The following RELN variants were observed in gnomAD, a reference collection of about 807,000 sequenced individuals.
RELN encodes reelin.
A neutral mutation model predicts 427.6 loss-of-function variants in RELN; 108 were observed. That is an observed-to-expected ratio of 0.25 (90% CI 0.22 to 0.30). The LOEUF (loss-of-function observed/expected upper bound fraction) is 0.30, where lower values mean the gene tolerates loss of function less well. Ranked by LOEUF, RELN falls within the 10% of genes least tolerant of loss-of-function variation. The pLI is 1.00. For synonymous variants in RELN, 1,524 were observed against 1,513.4 expected, an observed-to-expected ratio of 1.01 and a Z score of -0.16; for missense variants, 3,715 against 4,302.8, an observed-to-expected ratio of 0.86 and a Z score of 3.82.
intron 51 of RELN, among the ~76,000 whole-genome samples, chr7:103,503,461 A>C (rs967328295): frequency 1.3e-5 from 2 of 152,308 alleles, no homozygotes; most frequent in South Asian, 4.1e-4. Flanking sequence ...TTTGGAGAGA[A>C]ACTCAGACCC....
chr7:103,588,387 T>C (rs1831328164), intron 28 of RELN, among the ~76,000 whole-genome samples: 1 of 152,008 alleles, frequency 6.6e-6, no homozygotes, highest in South Asian at 2.1e-4. Context: ...CTAGGAAGGC[T>C]ACCAAGGGAG....
chr7:103,490,018 C>T, intron 59 of RELN, 119 bp from the exon 60 acceptor site: 1 of 1,109,642 alleles, frequency 9.0e-7, no homozygotes, highest in South Asian at 1.3e-5. Context: ...CAAATGTCTT[C>T]CTGAAGCACC....
rs1830930882 is a variant in RELN at position 103,573,548 on chromosome 7, C to T, written c.4511+544G>A. On this transcript the variant is annotated intron_variant, in intron 30 of 64. Coordinates refer to ENST00000428762, the MANE Select transcript of RELN (RefSeq NM_005045.4). This position sits in a 1 kb window ranked among gnomAD's most constrained non-coding sequence, Gnocchi z 4.4. The stretch of plus-strand genomic sequence containing the variant: ...AACATTTTCTCTATTTCCTTTCTTC[C>T]ACTTCTCAAATAATTTAATTGCTCT... 6.6e-6 allele frequency among the ~76,000 whole-genome samples: 1 copy of T among 152,166 alleles called. No individual in the cohort carries two copies. Among genetic ancestry groups the T allele is most frequent in the African/African-American group, 2.4e-5 (1 of 41,446 alleles).
At position 103,522,074 on chromosome 7, in the gene RELN, A is replaced by G. The variant is rs774928441; in HGVS notation, c.7616T>C (p.Leu2539Ser). 6.2e-7 allele frequency: 1 copy of G among 1,614,034 alleles called. No individual in the cohort carries two copies. Among genetic ancestry groups the G allele is most frequent in the South Asian group, 1.1e-5 (1 of 91,070 alleles). Residue 2539 changes from leucine (L) to serine (S), a missense_variant, in exon 48 of 65, where the codon TTG becomes TCG. Physicochemically the swap from Leu to Ser is moderately radical, Grantham distance 145. Around this residue, in one of 4 missense-constraint regions of RELN, gnomAD observed 1,310 missense variants for 1,643.0 expected, o/e 0.80. Transcript: ENST00000428762. ...QNWLTVNGGK[L>S]STVCGAVASG... ...CGCCACGGCTCCACACACTGTACTC[A>G]ATTTCCCTCCGTTCACAGTCAGCCA...
chr7:103,537,691 G>A (rs1288070358), intron 45 of RELN, among the ~76,000 whole-genome samples: 11 of 152,160 alleles, frequency 7.2e-5, no homozygotes, highest in African/African-American at 2.7e-4. Context: ...AGTCTAGACT[G>A]TTTTCAAAAT....
chr7:103,926,255 C>G (rs556411792), intron 1 of RELN, among the ~76,000 whole-genome samples: 3 of 151,998 alleles, frequency 2.0e-5, no homozygotes, highest in African/African-American at 7.2e-5. Context: ...TACGTGCCAT[C>G]AGGCCAATTT....
chr7:103,925,495 C>T lies in RELN; in HGVS notation c.227-8310G>A, dbSNP rs142934406. On this transcript the variant is annotated intron_variant, in intron 1 of 64. Transcript: ENST00000428762. ...GTGATTTATCTCTGACCTTATTTTT[C>T]ACGTTACTTTTATATGAGGCTGGAT... Among the ~76,000 whole-genome samples, 59 of 152,184 alleles carry T rather than the reference C, an allele frequency of 3.9e-4. 2 individuals carry two copies. The East Asian group carries it at 0.011, about 28-fold the overall frequency.
chr7:103,793,046 A>T (rs1187760609), intron 3 of RELN, among the ~76,000 whole-genome samples: 2 of 152,158 alleles, frequency 1.3e-5, no homozygotes, highest in Non-Finnish European at 2.9e-5. Flanking sequence ...GCAATAGGTG[A>T]CCCAAGGAAA....
chr7:103,715,398 A>G (rs780047586), intron 8 of RELN, among the ~76,000 whole-genome samples: 5 of 152,184 alleles, frequency 3.3e-5, no homozygotes, highest in Admixed American at 6.5e-5. Context: ...TTTCTGTTTT[A>G]TATTTATGTT....
intron 2 of RELN, among the ~76,000 whole-genome samples, chr7:103,876,612 G>A (rs1563065929): frequency 6.6e-6 from 1 of 152,026 alleles, no homozygotes; most frequent in Non-Finnish European, 1.5e-5. Context: ...CCTGATGCAT[G>A]GTTGATTTTA....
chr7:103,675,330 G>C (rs554131216), intron 11 of RELN, among the ~76,000 whole-genome samples: 4 of 152,106 alleles, frequency 2.6e-5, no homozygotes, highest in African/African-American at 9.7e-5. Context: ...CAACTTACAA[G>C]GGATGTGAAG....
intron 46 of RELN, among the ~76,000 whole-genome samples, chr7:103,527,453 G>T (rs1483976344): frequency 1.3e-5 from 2 of 152,180 alleles, no homozygotes; most frequent in Non-Finnish European, 2.9e-5. Context: ...TGATTACTTT[G>T]TATTCTCATT....
chr7:103,770,153 C>T (rs568584322), intron 4 of RELN, among the ~76,000 whole-genome samples: 6 of 152,150 alleles, frequency 3.9e-5, no homozygotes, highest in African/African-American at 7.2e-5. Flanking sequence ...GGCATGATTT[C>T]GGCTCACTGC....
At chr7:103,886,866 C>T (rs1469378942) in intron 2 of RELN, among the ~76,000 whole-genome samples, 1 of 152,080 alleles carries the variant, frequency 6.6e-6, no homozygotes, top group Non-Finnish European at 1.5e-5. Context: ...AACTCACTTG[C>T]TAGCAACCTA....
At chr7:103,817,822 G>A (rs1792911945) in intron 3 of RELN, among the ~76,000 whole-genome samples, 2 of 150,398 alleles carry the variant, frequency 1.3e-5, no homozygotes, top group Non-Finnish European at 3.0e-5. Flanking sequence ...GTGCGTGCCT[G>A]TAGTCCCAGC....
chr7:103,710,630 A>G (rs1264335183), intron 8 of RELN, among the ~76,000 whole-genome samples: 1 of 152,270 alleles, frequency 6.6e-6, no homozygotes, highest in African/African-American at 2.4e-5. Context: ...GACATGATCA[A>G]TAAGGAGTTG....
At chr7:103,664,371 C>T (rs1377199294) in intron 11 of RELN, among the ~76,000 whole-genome samples, 2 of 152,164 alleles carry the variant, frequency 1.3e-5, no homozygotes, top group African/African-American at 2.4e-5. Context: ...CCCCAAGGCA[C>T]CCATTATATT....
chr7:103,974,870 T>C (rs1030028547), intron 1 of RELN, among the ~76,000 whole-genome samples: 3 of 152,256 alleles, frequency 2.0e-5, no homozygotes, highest in African/African-American at 7.2e-5. Context: ...CAAATTTATT[T>C]ATGGCGCAGC....
At chr7:103,947,881 C>T (rs1210995012) in intron 1 of RELN, among the ~76,000 whole-genome samples, 6 of 152,182 alleles carry the variant, frequency 3.9e-5, no homozygotes, top group African/African-American at 1.2e-4. Context: ...ATTTGTTCCT[C>T]TGAAATTTCT....
Sources: allele counts gnomAD v4.1 joint callset (sites outside exome capture counted in the v4.1 genomes callset), GRCh38; gene constraint gnomAD v4.1.1; regional missense constraint gnomAD v4.1.1; non-coding constraint Gnocchi (gnomAD v3.1); transcripts MANE v1.5; gene names NCBI Gene and HGNC (gene_info 2026-07-23, HGNC 2026-07-21).